UNC13B: variants seen among roughly 807,000 people sequenced by gnomAD.
The protein encoded by UNC13B is unc-13 homolog B.
Under a neutral mutation model 211.0 loss-of-function variants are expected in UNC13B, and 144 were observed. That is an observed-to-expected ratio of 0.68 (90% CI 0.60 to 0.78). The LOEUF (loss-of-function observed/expected upper bound fraction) is 0.78, where lower values mean the gene tolerates loss of function less well. Among genes scored for constraint, UNC13B ranks in the 30% least tolerant of loss-of-function variants. UNC13B has a pLI of 0.00. For missense variants in UNC13B, 1,777 were observed against 2,002.0 expected (o/e 0.89, Z 2.14); for synonymous variants, 709 against 725.8 (o/e 0.98, Z 0.37).
At chr9:35,168,969 C>T (rs1025993743) in intron 1 of UNC13B, among the ~76,000 whole-genome samples, 7 of 152,012 alleles carry the variant, frequency 4.6e-5, no homozygotes, top group South Asian at 2.1e-4. Flanking sequence ...CCACTGTGCC[C>T]GACTGCATTT....
In UNC13B at chr9:35,370,318, G is replaced by A. The variant is rs2132182965; in HGVS notation, c.9462G>A (p.Gly3154=). ...CTGACATATTTTCTTCTCTCCTCAGGCCAGCCGGAGGGCTCTATGGCATTG... is the reference window on the plus strand; with the variant it reads ...CTGACATATTTTCTTCTCTCCTCAGACCAGCCGGAGGGCTCTATGGCATTG... ...DPSLPQWLPE[G]PAGGLYGIDS... The change falls in exon 13 of 40, where the codon GGG becomes GGA. Residue 3154 remains glycine (G), a splice_region_variant and synonymous_variant. Coordinates refer to ENST00000635942, the MANE Select transcript of UNC13B (RefSeq NM_001371189.2). 3 of 1,613,752 alleles carry A rather than the reference G, an allele frequency of 1.9e-6. No individual in the cohort carries two copies. Among genetic ancestry groups the A allele is most frequent in the Admixed American group, 3.3e-5 (2 of 60,006 alleles).
intron 11 of UNC13B, among the ~76,000 whole-genome samples, chr9:35,355,507 A>G (rs1020992253): frequency 1.3e-5 from 2 of 152,182 alleles, no homozygotes; most frequent in Middle Eastern, 3.2e-3. Flanking sequence ...GGTCACTGCA[A>G]TTGGTCTCTA....
At chr9:35,298,385 C>T (rs952106339) in intron 8 of UNC13B, among the ~76,000 whole-genome samples, 4 of 152,316 alleles carry the variant, frequency 2.6e-5, no homozygotes. Context: ...TGCACCACTG[C>T]ACTCCAGCCT....
chr9:35,293,756 T>C (rs1295065046), intron 7 of UNC13B, among the ~76,000 whole-genome samples: 1 of 152,190 alleles, frequency 6.6e-6, no homozygotes, highest in East Asian at 1.9e-4. Flanking sequence ...TTTGCATCCC[T>C]CTTGTTTGCT....
At chr9:35,207,253 ATTTATTTATT>A (rs1303991495) in intron 1 of UNC13B, among the ~76,000 whole-genome samples, 2 of 151,758 alleles carry the variant, frequency 1.3e-5, no homozygotes, top group Admixed American at 6.6e-5. Context: ...TTTATTGACC[ATTTATTTATT>A]TTTATTTATT....
At chr9:35,167,747 C>T (rs1221220801) in intron 1 of UNC13B, among the ~76,000 whole-genome samples, 1 of 147,508 alleles carries the variant, frequency 6.8e-6, no homozygotes, top group Non-Finnish European at 1.5e-5. Flanking sequence ...GCCACCATGC[C>T]TGGCTAATTT....
At chr9:35,206,806 G>T (rs200138796) in intron 1 of UNC13B, among the ~76,000 whole-genome samples, 1 of 150,964 alleles carries the variant, frequency 6.6e-6, no homozygotes, top group East Asian at 1.9e-4. Context: ...CTGAGGAGGC[G>T]GAGTTTGCAG....
chr9:35,307,604 C>T lies in UNC13B; in HGVS notation c.8200C>T (p.Leu2734Phe). 1 of 399,166 alleles carries T rather than the reference C, an allele frequency of 2.5e-6. No homozygotes were observed. The highest frequency in any genetic ancestry group is 4.4e-5 in the Admixed American group (1 of 22,732). 24.7% of individuals were successfully genotyped at this position (399,166 alleles called of 1,614,324 possible). The change falls in exon 9 of 40, where the codon CTT becomes TTT. Residue 2734 changes from leucine to phenylalanine, a missense_variant. Physicochemically the swap from Leu to Phe is conservative, Grantham distance 22 (BLOSUM62 0). Transcript: ENST00000635942. ...TCATCCTCTGCTGGAGGACCCTGTG[C>T]TTGCTGCCAGAGAAAGTTGTGAGAT... is the stretch of plus-strand genomic sequence containing the variant. Reference protein sequence around the residue: ...FSHPLLEDPVLAARESCEIIH... With the variant: ...FSHPLLEDPVFAARESCEIIH...
rs1411121121 is a variant in UNC13B, at chr9:35,309,257, G to A, written c.9008+845G>A. ...TGTGTGTGTGTGTGTGTGTGTGTGTGTGTGTGTATACTTATGTACAAGTAT... is the reference window on the plus strand; with the variant it reads ...TGTGTGTGTGTGTGTGTGTGTGTGTATGTGTGTATACTTATGTACAAGTAT... On this transcript the variant is annotated intron_variant, in intron 9 of 39. Coordinates refer to ENST00000635942, the MANE Select transcript of UNC13B (RefSeq NM_001371189.2). 1.1e-4 allele frequency among the ~76,000 whole-genome samples: 15 copies of A among 134,180 alleles called. No homozygotes were observed. In the South Asian group the frequency reaches 3.9e-3, roughly 35 times the overall value. 88.0% of individuals were successfully genotyped at this position (134,180 alleles called of 152,430 possible).
At chr9:35,315,137 C>A (rs1202732218) in intron 11 of UNC13B, among the ~76,000 whole-genome samples, 1 of 150,940 alleles carries the variant, frequency 6.6e-6, no homozygotes, top group African/African-American at 2.4e-5. Flanking sequence ...AGTGATCCTC[C>A]CACTTTGGCC....
intron 11 of UNC13B, among the ~76,000 whole-genome samples, chr9:35,354,615 C>T (rs1360605298): frequency 1.3e-5 from 2 of 152,152 alleles, no homozygotes; most frequent in Non-Finnish European, 2.9e-5. Context: ...AATTACTCTT[C>T]CCAATCAAAA....
At chr9:35,388,747 T>C (rs1001433254) in intron 24 of UNC13B, among the ~76,000 whole-genome samples, 4 of 152,064 alleles carry the variant, frequency 2.6e-5, no homozygotes, top group Non-Finnish European at 4.4e-5. Flanking sequence ...AGGTTGAGAG[T>C]CATATTCTGG....
At chr9:35,285,802 T>C (rs905255748) in intron 7 of UNC13B, among the ~76,000 whole-genome samples, 4 of 152,216 alleles carry the variant, frequency 2.6e-5, no homozygotes, top group Non-Finnish European at 5.9e-5. Context: ...TTGATAAGGA[T>C]AGTTAAATCT....
intron 11 of UNC13B, among the ~76,000 whole-genome samples, chr9:35,325,417 C>T (rs764930058): frequency 6.6e-6 from 1 of 152,184 alleles, no homozygotes; most frequent in African/African-American, 2.4e-5. Flanking sequence ...GCTTACACAG[C>T]TTGCCTCCAC....
intron 11 of UNC13B, among the ~76,000 whole-genome samples, chr9:35,327,687 A>G (rs962429164): frequency 2.0e-5 from 3 of 152,166 alleles, no homozygotes; most frequent in Non-Finnish European, 4.4e-5. Context: ...CACAACACCC[A>G]GAAACAATAC....
intron 35 of UNC13B, 49 bp downstream of exon 35, chr9:35,399,497 A>G (rs374548241): frequency 2.5e-4 from 398 of 1,612,994 alleles, no homozygotes; most frequent in Non-Finnish European, 3.2e-4. Context: ...TTCTGAAGTC[A>G]TGGAGAGAGG....
chr9:35,171,833 T>A (rs1821349497), intron 1 of UNC13B, among the ~76,000 whole-genome samples: 1 of 152,250 alleles, frequency 6.6e-6, no homozygotes, highest in South Asian at 2.1e-4. Flanking sequence ...ATTTATTTAA[T>A]GTATTTCTTA....
At chr9:35,367,032 A>G (rs1349040310) in intron 12 of UNC13B, 39 bp downstream of exon 12, 2 of 1,584,758 alleles carry the variant, frequency 1.3e-6, no homozygotes, top group South Asian at 1.1e-5. Flanking sequence ...GATTTTATTC[A>G]GTATCTCTTG....
At chr9:35,184,426 C>T (rs1441723990) in intron 1 of UNC13B, among the ~76,000 whole-genome samples, 1 of 152,192 alleles carries the variant, frequency 6.6e-6, no homozygotes, top group African/African-American at 2.4e-5. Flanking sequence ...CAACACTGAG[C>T]ATTGAGTGAG....
Sources: allele counts gnomAD v4.1 joint callset (sites outside exome capture counted in the v4.1 genomes callset), GRCh38; gene constraint gnomAD v4.1.1; transcripts MANE v1.5; gene names NCBI Gene and HGNC (gene_info 2026-07-23, HGNC 2026-07-21).